CCDC148: variants seen among roughly 807,000 people sequenced by gnomAD.
CCDC148 encodes coiled-coil domain-containing protein 148.
CCDC148 carries 89 observed loss-of-function variants against 85.7 expected under a neutral mutation model. The ratio of observed to expected loss-of-function variants is 1.04; its 90% CI spans 0.87 to 1.24. The LOEUF (loss-of-function observed/expected upper bound fraction) is 1.24, where lower values mean the gene tolerates loss of function less well. Ranked by LOEUF, CCDC148 falls within the 50% of genes most tolerant of loss-of-function variation. CCDC148 has a pLI of 0.00. For synonymous variants in CCDC148, 230 were observed against 213.9 expected, an observed-to-expected ratio of 1.08 and a Z score of -0.66; for missense variants, 692 against 671.7, an observed-to-expected ratio of 1.03 and a Z score of -0.33.
chr2:158,257,406 G>A (rs1261380775), intron 9 of CCDC148, among the ~76,000 whole-genome samples: 1 of 151,712 alleles, frequency 6.6e-6, no homozygotes, highest in African/African-American at 2.4e-5. Context: ...CAGTCTGACA[G>A]CACCATTAAA....
At chr2:158,394,441 A>C (rs916112304) in intron 1 of CCDC148, among the ~76,000 whole-genome samples, 11 of 152,132 alleles carry the variant, frequency 7.2e-5, no homozygotes, top group Non-Finnish European at 1.6e-4. Context: ...GATTCAGGTT[A>C]CAAGAAGGCA....
rs559413758 is a variant in CCDC148, at chr2:158,312,324, G to A, written c.903+1432C>T. On this transcript the variant is annotated intron_variant, in intron 8 of 13. Transcript: ENST00000283233. ...AGAAATGGATGCTAATCAATCTAATGTAAGAAGTAAATGTATTGGGAGGCC... is the reference window on the plus strand; with the variant it reads ...AGAAATGGATGCTAATCAATCTAATATAAGAAGTAAATGTATTGGGAGGCC... Among the ~76,000 whole-genome samples, 8 of 152,182 alleles carry A rather than the reference G, an allele frequency of 5.3e-5. No homozygotes were observed. The South Asian group carries it at 1.5e-3, about 28-fold the overall frequency.
chr2:158,279,268 A>T (rs1273515847), intron 9 of CCDC148, among the ~76,000 whole-genome samples: 1 of 152,220 alleles, frequency 6.6e-6, no homozygotes, highest in Admixed American at 6.5e-5. Flanking sequence ...AATGGAACAA[A>T]GCTGGACGGA....
intron 1 of CCDC148, among the ~76,000 whole-genome samples, chr2:158,392,614 A>G (rs1378173119): frequency 6.6e-6 from 1 of 152,106 alleles, no homozygotes; most frequent in Admixed American, 6.6e-5. Flanking sequence ...TACTAAACCT[A>G]TATTTGTAAA....
At chr2:158,420,608 A>G (rs1212797063) in intron 1 of CCDC148, among the ~76,000 whole-genome samples, 1 of 152,200 alleles carries the variant, frequency 6.6e-6, no homozygotes, top group East Asian at 1.9e-4. Context: ...GGAAAAGAAC[A>G]ACCAGTACCA....
chr2:158,309,378 A>T, intron 9 of CCDC148, 55 bp downstream of exon 9: 1 of 1,450,758 alleles, frequency 6.9e-7, no homozygotes, highest in Non-Finnish European at 9.5e-7. Flanking sequence ...ACAAAAGGGA[A>T]AAATGGATTC....
intron 2 of CCDC148, 48 bp from the exon 3 acceptor site, chr2:158,345,366 G>A (rs544304748): frequency 7.6e-7 from 1 of 1,323,576 alleles, no homozygotes; most frequent in South Asian, 1.3e-5. Context: ...TTTTCAGAAT[G>A]TGTTTTTCAC....
At chr2:158,337,154 C>T (rs891587270) in intron 7 of CCDC148, among the ~76,000 whole-genome samples, 2 of 152,140 alleles carry the variant, frequency 1.3e-5, no homozygotes, top group African/African-American at 4.8e-5. Context: ...ATAACTCTTA[C>T]TGGAAGAAAG....
intron 1 of CCDC148, among the ~76,000 whole-genome samples, chr2:158,402,393 G>A (rs1380598877): frequency 2.0e-5 from 3 of 149,536 alleles, no homozygotes; most frequent in Non-Finnish European, 3.0e-5. Flanking sequence ...TTCTTTGTTC[G>A]TAATGCAGAT....
chr2:158,363,648 T>C lies in CCDC148; in HGVS notation c.26-5078A>G, dbSNP rs141361491. Reference sequence around the variant, plus strand: ...CTAAAAACTCTCAATAAACTAGATATTGATGGAACATATCTCAAAATAATT... The same window carrying C: ...CTAAAAACTCTCAATAAACTAGATACTGATGGAACATATCTCAAAATAATT... On this transcript the variant is annotated intron_variant, in intron 1 of 13. Transcript: ENST00000283233. 7.4e-3 allele frequency among the ~76,000 whole-genome samples: 1,131 copies of C among 152,188 alleles called. 20 individuals are homozygous for C. The highest frequency in any genetic ancestry group is 0.026 in the African/African-American group (1,077 of 41,514).
chr2:158,288,339 T>G (rs1256017017), intron 9 of CCDC148, among the ~76,000 whole-genome samples: 3 of 152,224 alleles, frequency 2.0e-5, no homozygotes, highest in African/African-American at 7.2e-5. Context: ...GATTTTCTTT[T>G]CTATTGCATT....
rs553135537 is a variant in CCDC148, at chr2:158,435,948, C to T, written c.25+20467G>A. Among the ~76,000 whole-genome samples, 37 of 152,148 alleles carry T rather than the reference C, an allele frequency of 2.4e-4. No individual in the cohort carries two copies. In the South Asian group the frequency reaches 4.4e-3, roughly 18 times the overall value. ...CTAACTATCCTAAATATATATGCAC[C>T]CAATACAGGAGCACCCAGATTCATA... On this transcript the variant is annotated intron_variant, in intron 1 of 13. Transcript: ENST00000283233.
chr2:158,447,632 T>G (rs1239388608), intron 1 of CCDC148, among the ~76,000 whole-genome samples: 1 of 152,264 alleles, frequency 6.6e-6, no homozygotes, highest in Non-Finnish European at 1.5e-5. Context: ...CGTATTGTGG[T>G]TGTAATTTGC....
chr2:158,435,070 A>G (rs1279169266), intron 1 of CCDC148, among the ~76,000 whole-genome samples: 1 of 152,224 alleles, frequency 6.6e-6, no homozygotes, highest in Admixed American at 6.5e-5. Context: ...GTTATCCAGG[A>G]GAACTTCCCC....
At chr2:158,454,596 A>C (rs546009382) in intron 1 of CCDC148, among the ~76,000 whole-genome samples, 296 of 152,326 alleles carry the variant, frequency 1.9e-3, no homozygotes, top group Non-Finnish European at 3.3e-3. Context: ...AAACCACGTA[A>C]AGTGGGGGCT....
chr2:158,358,619 T>C (rs756046733), intron 1 of CCDC148, 49 bp from the exon 2 acceptor site: 3 of 1,356,496 alleles, frequency 2.2e-6, no homozygotes, highest in Non-Finnish European at 2.9e-6. Context: ...TATCATGTTA[T>C]TGGAAGTCAA....
intron 1 of CCDC148, among the ~76,000 whole-genome samples, chr2:158,430,634 CATAAAG>C (rs1574808158): frequency 6.6e-6 from 1 of 152,072 alleles, no homozygotes; most frequent in African/African-American, 2.4e-5. Flanking sequence ...ATGTTCATAA[CATAAAG>C]ATAAATATTT....
intron 1 of CCDC148, among the ~76,000 whole-genome samples, chr2:158,389,203 C>G (rs892911869): frequency 6.6e-6 from 1 of 152,030 alleles, no homozygotes; most frequent in African/African-American, 2.4e-5. Flanking sequence ...GTTGGTGGTC[C>G]CCAATATGAG....
At chr2:158,297,754 G>A (rs1691258057) in intron 9 of CCDC148, among the ~76,000 whole-genome samples, 1 of 152,194 alleles carries the variant, frequency 6.6e-6, no homozygotes, top group Non-Finnish European at 1.5e-5. Flanking sequence ...GTACCACAGA[G>A]CTGGTCTAGT....
Sources: gnomAD v4.1 joint callset for allele counts (sites outside exome capture counted in the v4.1 genomes callset) on GRCh38, gnomAD v4.1.1 for gene constraint, MANE v1.5 for transcripts, NCBI Gene and HGNC (gene_info 2026-07-23, HGNC 2026-07-21) for gene names.